SHISA9: variants seen among roughly 807,000 people sequenced by gnomAD.
The protein encoded by SHISA9 is shisa family member 9, also known as protein shisa-9.
A neutral mutation model predicts 38.0 loss-of-function variants in SHISA9; 13 were observed. The ratio of observed to expected loss-of-function variants is 0.34; its 90% confidence interval spans 0.22 to 0.54. The LOEUF (loss-of-function observed/expected upper bound fraction) is 0.54. SHISA9 is among the 20% of genes least tolerant of loss of function. The pLI is 0.91. For missense variants in SHISA9, 538 were observed against 575.8 expected, an observed-to-expected ratio of 0.93 and a Z score of 0.67; for synonymous variants, 275 against 242.0, an observed-to-expected ratio of 1.14 and a Z score of -1.27.
At chr16:13,225,746 C>T (rs1338419025) in intron 4 of SHISA9, among the ~76,000 whole-genome samples, 3 of 152,166 alleles carry the variant, frequency 2.0e-5, no homozygotes, top group South Asian at 4.1e-4. Flanking sequence ...ATTACCTTGA[C>T]GTTCTCCCTT....
the SHISA9 span, among the ~76,000 whole-genome samples, chr16:13,390,271 A>T: frequency 6.6e-6 from 1 of 152,166 alleles, no homozygotes; most frequent in Admixed American, 6.5e-5. Context: ...GTCACGCCAG[A>T]ACCAAACCTG....
the SHISA9 span, among the ~76,000 whole-genome samples, chr16:13,273,056 T>C: frequency 6.6e-6 from 1 of 152,158 alleles, no homozygotes; most frequent in African/African-American, 2.4e-5. Flanking sequence ...AAGCCTCCAG[T>C]TGATTCATCA....
At chr16:13,357,024 G>A in the SHISA9 span, among the ~76,000 whole-genome samples, 2 of 152,230 alleles carry the variant, frequency 1.3e-5, no homozygotes, top group East Asian at 1.9e-4. Flanking sequence ...AGGAGGAATG[G>A]AAGGTGGAAG....
the SHISA9 span, among the ~76,000 whole-genome samples, chr16:13,558,178 G>C: frequency 6.6e-6 from 1 of 152,074 alleles, no homozygotes; most frequent in Non-Finnish European, 1.5e-5. Context: ...GTGTGATCTT[G>C]GGCTAATCAC....
the SHISA9 span, among the ~76,000 whole-genome samples, chr16:13,512,558 C>G: frequency 2.0e-5 from 3 of 152,106 alleles, no homozygotes; most frequent in African/African-American, 7.2e-5. Context: ...CAGGACCATC[C>G]TAAGCAAAAA....
At chr16:13,187,411 T>C (rs1162164085) in intron 2 of SHISA9, among the ~76,000 whole-genome samples, 1 of 146,504 alleles carries the variant, frequency 6.8e-6, no homozygotes, top group Non-Finnish European at 1.5e-5. Flanking sequence ...CTCAGCTCAC[T>C]GCAGCCTCCA....
intron 2 of SHISA9, among the ~76,000 whole-genome samples, chr16:13,109,358 A>G (rs1036202236): frequency 3.9e-4 from 59 of 152,138 alleles, no homozygotes; most frequent in African/African-American, 1.3e-3. Context: ...GGGTAGGCCC[A>G]ACTTGGCTTA....
chr16:13,352,562 TTC>T, the SHISA9 span, among the ~76,000 whole-genome samples: 1 of 152,110 alleles, frequency 6.6e-6, no homozygotes, highest in South Asian at 2.1e-4. Flanking sequence ...CTTAAGATTG[TTC>T]TGGAAAGTAA....
At chr16:12,925,112 A>T (rs2071376819) in intron 2 of SHISA9, among the ~76,000 whole-genome samples, 1 of 152,260 alleles carries the variant, frequency 6.6e-6, no homozygotes, top group Non-Finnish European at 1.5e-5. Context: ...AGTTGTCTTC[A>T]CAGTGAAAAT....
the SHISA9 span, among the ~76,000 whole-genome samples, chr16:13,312,566 G>T: frequency 3.9e-5 from 6 of 152,098 alleles, no homozygotes; most frequent in Non-Finnish European, 5.9e-5. Context: ...CACCCTTCTG[G>T]CCACTACTGG....
the SHISA9 span, among the ~76,000 whole-genome samples, chr16:13,471,126 C>T: frequency 2.0e-4 from 31 of 152,074 alleles, no homozygotes; most frequent in African/African-American, 6.7e-4. Context: ...CATTTATCCA[C>T]GGACTCACAT....
the SHISA9 span, among the ~76,000 whole-genome samples, chr16:13,521,717 C>A: frequency 6.6e-6 from 1 of 152,186 alleles, no homozygotes; most frequent in Non-Finnish European, 1.5e-5. Context: ...TAGCATAGGA[C>A]TTGATGTATT....
At chr16:13,058,973 C>T (rs752013713) in intron 2 of SHISA9, among the ~76,000 whole-genome samples, 58 of 151,946 alleles carry the variant, frequency 3.8e-4, no homozygotes, top group Non-Finnish European at 8.1e-4. Flanking sequence ...TTTCCATATG[C>T]ATTTTCTGTA....
Position 12,902,581 on chromosome 16 carries a change from C to T in SHISA9, c.517C>T (p.Leu173=). ...GGTGCTCGTGGGCATCTTCACCAAG[C>T]TGGGGCTGGAGAAAGCGCACCGGCC... The part of the protein sequence containing the change: ...VMVLVGIFTK[L]GLEKAHRPQR... Residue 173 remains leucine, a synonymous_variant, in exon 1 of 5, where the codon CTG becomes TTG. Coordinates refer to ENST00000558583, the MANE Select transcript of SHISA9 (RefSeq NM_001145204.3). 2.6e-6 allele frequency: 4 copies of T among 1,551,168 alleles called. No homozygotes were observed. Among genetic ancestry groups the T allele is most frequent in the Non-Finnish European group, 2.6e-6 (3 of 1,146,956 alleles).
chr16:12,973,319 G>A (rs954143807), intron 2 of SHISA9, among the ~76,000 whole-genome samples: 1 of 152,184 alleles, frequency 6.6e-6, no homozygotes, highest in African/African-American at 2.4e-5. Context: ...GGGCCCTCTG[G>A]ACTGAACTGA....
chr16:13,289,266 C>G, the SHISA9 span, among the ~76,000 whole-genome samples: 3 of 149,616 alleles, frequency 2.0e-5, no homozygotes, highest in Non-Finnish European at 4.4e-5. Context: ...AAAAGGTGGG[C>G]AGATGACATT....
chr16:13,496,388 G>A, the SHISA9 span, among the ~76,000 whole-genome samples: 18 of 152,016 alleles, frequency 1.2e-4, no homozygotes, highest in African/African-American at 3.1e-4. Context: ...TAACTCAACC[G>A]TCATAACTAA....
At position 13,235,193 on chromosome 16, in the gene SHISA9, C is replaced by G; in HGVS notation, c.1059C>G (p.Asn353Lys). The G allele has an allele frequency of 2.6e-6, 4 of 1,551,828 alleles. No individual in the cohort carries two copies. The highest frequency in any genetic ancestry group is 1.2e-5 in the South Asian group (1 of 84,064). Reference sequence around the variant, plus strand: ...AGAATGGACAGAAGTCCCGCACCAACAAGATGCCCCCACATCCCCTGGCCT... The same window carrying G: ...AGAATGGACAGAAGTCCCGCACCAAGAAGATGCCCCCACATCCCCTGGCCT... ...AKQNGQKSRT[N>K]KMPPHPLAYT... is the part of the protein sequence containing the mutation. Residue 353 changes from asparagine to lysine, a missense_variant, in exon 5 of 5, where the codon AAC (asparagine) becomes AAG (lysine). Physicochemically the swap from Asn to Lys is moderately conservative, Grantham distance 94. Transcript: ENST00000558583.
chr16:13,259,877 G>T, the SHISA9 span, among the ~76,000 whole-genome samples: 11 of 152,094 alleles, frequency 7.2e-5, no homozygotes, highest in African/African-American at 2.7e-4. Flanking sequence ...TGCCATGAAG[G>T]TCTCTGACAT....
Sources: gnomAD v4.1 joint callset for allele counts (sites outside exome capture counted in the v4.1 genomes callset) on GRCh38, gnomAD v4.1.1 for gene constraint, MANE v1.5 for transcripts, NCBI Gene and HGNC (gene_info 2026-07-23, HGNC 2026-07-21) for gene names.